GALNT13: variants seen among roughly 807,000 people sequenced by gnomAD.
GALNT13 encodes UDP-GalNAc:polypeptide N-acetylgalactosaminyltransferase 13.
GALNT13 carries 28 observed loss-of-function variants against 64.2 expected under a neutral mutation model. The observed-to-expected ratio is 0.44, with a 90% confidence interval of 0.32 to 0.60. The LOEUF (loss-of-function observed/expected upper bound fraction) is 0.60. GALNT13 is among the 20% of genes least tolerant of loss of function. The pLI is 0.05. For missense variants in GALNT13, 577 were observed against 669.8 expected, an observed-to-expected ratio of 0.86 and a Z score of 1.53; for synonymous variants, 214 against 224.6, an observed-to-expected ratio of 0.95 and a Z score of 0.42.
chr2:154,048,335 C>A (rs555902765), intron 3 of GALNT13, among the ~76,000 whole-genome samples: 11 of 152,126 alleles, frequency 7.2e-5, no homozygotes, highest in Non-Finnish European at 1.6e-4. Flanking sequence ...GGTGGGGACT[C>A]TGAACAAAAC....
the GALNT13 span, among the ~76,000 whole-genome samples, chr2:153,655,052 T>C: frequency 3.3e-5 from 5 of 152,116 alleles, no homozygotes; most frequent in Non-Finnish European, 7.4e-5. Context: ...AACTTGCAAA[T>C]TCATATTATC....
chr2:153,439,942 T>A, the GALNT13 span, among the ~76,000 whole-genome samples: 2 of 152,202 alleles, frequency 1.3e-5, no homozygotes, highest in African/African-American at 4.8e-5. Flanking sequence ...GAGCTGTTCC[T>A]ATTCGGCCGT....
chr2:153,084,084 C>G, the GALNT13 span, among the ~76,000 whole-genome samples: 2,487 of 152,240 alleles, frequency 0.016, 72 homozygotes, highest in African/African-American at 0.057. Context: ...CTATTCTGTT[C>G]CATTGGTCTA....
chr2:153,867,512 C>T (rs574662483), upstream of GALNT13, among the ~76,000 whole-genome samples: 5 of 152,172 alleles, frequency 3.3e-5, no homozygotes, highest in South Asian at 4.2e-4. Flanking sequence ...ACATTTTTGG[C>T]CCCAGGGACC....
Position 154,441,532 on chromosome 2 carries a change from G to T in GALNT13, c.1530+2806G>T, listed in dbSNP as rs76195314. On this transcript the variant is annotated intron_variant, in intron 12 of 12. Coordinates refer to ENST00000392825, the MANE Select transcript of GALNT13 (RefSeq NM_052917.4). ...GTTCTCTCCTTTAAGCCTTTATCAG[G>T]AGGAACTAAAGCATAAAGATTACAC... Among the ~76,000 whole-genome samples, 405 of 152,160 alleles carry T rather than the reference G, an allele frequency of 2.7e-3. 2 individuals are homozygous for T. Among genetic ancestry groups the T allele is most frequent in the African/African-American group, 9.3e-3 (387 of 41,530 alleles).
the GALNT13 span, among the ~76,000 whole-genome samples, chr2:153,428,820 A>G: frequency 9.9e-5 from 15 of 152,158 alleles, no homozygotes; most frequent in Admixed American, 9.8e-4. Flanking sequence ...GGGAAGTATG[A>G]AGTTTAAGAT....
At chr2:153,634,146 C>A in the GALNT13 span, among the ~76,000 whole-genome samples, 1 of 151,968 alleles carries the variant, frequency 6.6e-6, no homozygotes, top group Non-Finnish European at 1.5e-5. Context: ...TCCAGAACCA[C>A]CGGGAAAATT....
chr2:153,721,925 A>C, the GALNT13 span, among the ~76,000 whole-genome samples: 4 of 150,464 alleles, frequency 2.7e-5, no homozygotes, highest in South Asian at 8.4e-4. Flanking sequence ...AAGGATACCC[A>C]GGAATTGAAC....
chr2:153,274,530 C>T, the GALNT13 span, among the ~76,000 whole-genome samples: 1 of 152,138 alleles, frequency 6.6e-6, no homozygotes, highest in Non-Finnish European at 1.5e-5. Context: ...AAAAGAGTCC[C>T]AGGCTGGGAC....
the GALNT13 span, among the ~76,000 whole-genome samples, chr2:153,153,482 T>C: frequency 9.2e-5 from 14 of 152,264 alleles, no homozygotes; most frequent in African/African-American, 2.9e-4. Context: ...ATGTCCTGAA[T>C]AGTATTGCCT....
At chr2:153,836,519 T>C in the GALNT13 span, among the ~76,000 whole-genome samples, 1 of 151,910 alleles carries the variant, frequency 6.6e-6, no homozygotes, top group African/African-American at 2.4e-5. Context: ...TTTTTTATAT[T>C]TATTATACTT....
At chr2:154,157,038 C>T (rs1230257284) in intron 4 of GALNT13, among the ~76,000 whole-genome samples, 3 of 152,098 alleles carry the variant, frequency 2.0e-5, no homozygotes, top group Admixed American at 2.0e-4. Flanking sequence ...ATCAGTCATA[C>T]GATATTTCCC....
the GALNT13 span, among the ~76,000 whole-genome samples, chr2:153,316,396 A>C: frequency 2.6e-5 from 4 of 151,962 alleles, no homozygotes; most frequent in Admixed American, 2.6e-4. Flanking sequence ...TAATCCCAGC[A>C]CTTTGGGAGG....
the GALNT13 span, among the ~76,000 whole-genome samples, chr2:153,705,943 C>T: frequency 6.6e-6 from 1 of 151,972 alleles, no homozygotes; most frequent in African/African-American, 2.4e-5. Context: ...GAGTATCTTC[C>T]TTTTCAATTA....
the GALNT13 span, among the ~76,000 whole-genome samples, chr2:153,631,012 C>G: frequency 6.6e-6 from 1 of 150,920 alleles, no homozygotes; most frequent in East Asian, 2.0e-4. Flanking sequence ...TTCCTGTGTC[C>G]AAGTGTTCTG....
chr2:154,408,057 A>G lies in GALNT13; in HGVS notation c.1297-927A>G, dbSNP rs188093874. On this transcript the variant is annotated intron_variant, in intron 10 of 12. Coordinates refer to ENST00000392825, the MANE Select transcript of GALNT13 (RefSeq NM_052917.4). ...ACTGAACAGTAAAATATGCATGTCT[A>G]TGGTTCGGAGATACAAACTTTTCAA... Among the ~76,000 whole-genome samples, 24 of 152,234 alleles carry G rather than the reference A, an allele frequency of 1.6e-4. No individual in the cohort carries two copies. In the East Asian group the frequency reaches 4.2e-3, roughly 27 times the overall value.
chr2:154,426,470 G>A (rs1700475805), intron 11 of GALNT13, among the ~76,000 whole-genome samples: 1 of 152,206 alleles, frequency 6.6e-6, no homozygotes, highest in African/African-American at 2.4e-5. Context: ...TATACCAGGG[G>A]ATAGAAACCT....
At chr2:153,145,718 G>C in the GALNT13 span, among the ~76,000 whole-genome samples, 1 of 151,850 alleles carries the variant, frequency 6.6e-6, no homozygotes, top group Admixed American at 6.6e-5. Flanking sequence ...AAAGTTAAAT[G>C]CTCAGAGGCT....
At chr2:153,932,595 CTTTTTCTTT>C (rs1420969564) in intron 2 of GALNT13, among the ~76,000 whole-genome samples, 8 of 139,122 alleles carry the variant, frequency 5.8e-5, no homozygotes, top group South Asian at 2.4e-4. Context: ...GACAGATCTT[CTTTTTCTTT>C]TTTTTCTTTT....
Sources: allele counts gnomAD v4.1 joint callset (sites outside exome capture counted in the v4.1 genomes callset), GRCh38; gene constraint gnomAD v4.1.1; transcripts MANE v1.5; gene names NCBI Gene and HGNC (gene_info 2026-07-23, HGNC 2026-07-21).